The following PCBP3 variants were observed in gnomAD, a reference collection of about 807,000 sequenced individuals.
The protein encoded by PCBP3 is poly(rC)-binding protein 3.
A neutral mutation model predicts 52.7 loss-of-function variants in PCBP3; 25 were observed. The ratio of observed to expected loss-of-function variants is 0.47; its 90% CI spans 0.35 to 0.66. The LOEUF (loss-of-function observed/expected upper bound fraction) is 0.66, where lower values mean the gene tolerates loss of function less well. PCBP3 is among the 30% of genes least tolerant of loss of function. The pLI, the probability that PCBP3 is intolerant of heterozygous loss-of-function variation, is 0.01. For synonymous variants in PCBP3, 162 were observed against 183.0 expected (o/e 0.89, Z 0.93); for missense variants, 391 against 490.3 (o/e 0.80, Z 1.91).
At chr21:45,644,556 T>A (rs2079134245) in intron 1 of PCBP3, among the ~76,000 whole-genome samples, 2 of 152,186 alleles carry the variant, frequency 1.3e-5, no homozygotes, top group Admixed American at 1.3e-4. Flanking sequence ...TCCGCGCCAC[T>A]CTGAAGTATA....
intron 11 of PCBP3, among the ~76,000 whole-genome samples, chr21:45,913,741 G>T (rs944921337): frequency 6.6e-6 from 1 of 152,212 alleles, no homozygotes; most frequent in Non-Finnish European, 1.5e-5. Context: ...GAGCCCTCTG[G>T]AGGGACAGGC....
chr21:45,872,852 C>G (rs577826604), intron 5 of PCBP3: 1 of 152,154 alleles, frequency 6.6e-6, no homozygotes, highest in Non-Finnish European at 1.5e-5. Flanking sequence ...TGTGATATAA[C>G]GATGCCCATC....
In PCBP3 at chr21:45,800,667, G is replaced by A. The variant is rs1274312659; in HGVS notation, c.-126+45215G>A. ...GGCCAAGCACCGCATGCAGCCTGGTGCACACCTGTGCCCTCCTGAGCCTGG... is the reference window on the plus strand; with the variant it reads ...GGCCAAGCACCGCATGCAGCCTGGTACACACCTGTGCCCTCCTGAGCCTGG... On this transcript the variant is annotated intron_variant, in intron 4 of 17. Coordinates refer to ENST00000681687, the MANE Select transcript of PCBP3 (RefSeq NM_001384156.1). This position sits in a 1 kb window ranked among gnomAD's most constrained non-coding sequence, Gnocchi z 5.3. Among the ~76,000 whole-genome samples the A allele has an allele frequency of 2.0e-5, 3 of 152,226 alleles. No homozygotes were observed. The highest frequency in any genetic ancestry group is 4.4e-5 in the Non-Finnish European group (3 of 68,034).
chr21:45,855,748 C>T (rs574231048), intron 5 of PCBP3, among the ~76,000 whole-genome samples: 46 of 152,364 alleles, frequency 3.0e-4, no homozygotes, highest in Admixed American at 2.6e-4. Context: ...GCCTGAGGGC[C>T]GGACCCCACA....
intron 4 of PCBP3, among the ~76,000 whole-genome samples, chr21:45,807,835 G>T (rs1365131196): frequency 1.3e-5 from 2 of 151,942 alleles, no homozygotes; most frequent in South Asian, 2.1e-4. Flanking sequence ...AAACAGCATG[G>T]TACCAAAACA....
chr21:45,671,334 T>C (rs2081161321), intron 2 of PCBP3, among the ~76,000 whole-genome samples: 3 of 152,310 alleles, frequency 2.0e-5, no homozygotes, highest in East Asian at 1.9e-4. Context: ...TTTCTAGCAT[T>C]GTGTGGTCTT....
chr21:45,672,540 G>A (rs992359499), intron 2 of PCBP3, among the ~76,000 whole-genome samples: 3 of 151,922 alleles, frequency 2.0e-5, no homozygotes, highest in Admixed American at 1.3e-4. Context: ...ATCTATTTGC[G>A]TCTGGTAGTT....
chr21:45,745,041 C>T (rs1367787089), intron 3 of PCBP3, among the ~76,000 whole-genome samples: 1 of 152,126 alleles, frequency 6.6e-6, no homozygotes, highest in Non-Finnish European at 1.5e-5. Context: ...CACAGGCTGT[C>T]ACGGAGCAGC....
intron 5 of PCBP3, among the ~76,000 whole-genome samples, chr21:45,864,490 CA>C (rs1295722292): frequency 6.6e-6 from 1 of 152,192 alleles, no homozygotes; most frequent in Non-Finnish European, 1.5e-5. Flanking sequence ...TCATAAGTTA[CA>C]ACAAAATTTT....
chr21:45,935,900 T>C (rs985003092), intron 16 of PCBP3, among the ~76,000 whole-genome samples: 14 of 152,262 alleles, frequency 9.2e-5, no homozygotes, highest in African/African-American at 3.1e-4. Flanking sequence ...TAGAGAGGAC[T>C]ATTCTCTGAA....
chr21:45,782,840 C>T (rs1432962373), intron 4 of PCBP3, among the ~76,000 whole-genome samples: 3 of 152,206 alleles, frequency 2.0e-5, no homozygotes, highest in South Asian at 4.1e-4. Context: ...GGAGCCCAGC[C>T]GGCATACGGC....
intron 2 of PCBP3, among the ~76,000 whole-genome samples, chr21:45,718,777 C>G (rs2084404626): frequency 6.6e-6 from 1 of 152,160 alleles, no homozygotes; most frequent in South Asian, 2.1e-4. Context: ...GGTTATTACT[C>G]TGCCATTCTC....
At chr21:45,664,113 C>T (rs1160617214) in intron 1 of PCBP3, among the ~76,000 whole-genome samples, 1 of 146,828 alleles carries the variant, frequency 6.8e-6, no homozygotes, top group Non-Finnish European at 1.5e-5. Context: ...TAAATACACA[C>T]ACGCATAAAT....
At chr21:45,911,669 T>C (rs1251693006) in intron 11 of PCBP3, among the ~76,000 whole-genome samples, 3 of 152,102 alleles carry the variant, frequency 2.0e-5, no homozygotes, top group Non-Finnish European at 1.5e-5. Flanking sequence ...TGCCAGTCTT[T>C]CCTGAAGCAA....
chr21:45,941,688 C>T lies in PCBP3; in HGVS notation c.1098C>T (p.Thr366=), dbSNP rs200553368. 4.7e-5 allele frequency: 75 copies of T among 1,606,384 alleles called. No homozygotes were observed. Among genetic ancestry groups the T allele is most frequent in the East Asian group, 2.9e-4 (13 of 44,274 alleles). The change falls in exon 18 of 18, where the codon ACC becomes ACT. Residue 366 remains threonine, a synonymous_variant. Coordinates refer to ENST00000681687, the MANE Select transcript of PCBP3 (RefSeq NM_001384156.1). ...GTTCCAGGCTGACGTCCGAGGTCACCGGGATGGGCACGCTGTAATCCTACC... is the reference window on the plus strand; with the variant it reads ...GTTCCAGGCTGACGTCCGAGGTCACTGGGATGGGCACGCTGTAATCCTACC... ...LINARLTSEV[T]GMGTL
intron 4 of PCBP3, among the ~76,000 whole-genome samples, chr21:45,825,876 T>A (rs1161198689): frequency 1.3e-5 from 2 of 152,082 alleles, no homozygotes; most frequent in Non-Finnish European, 2.9e-5. Flanking sequence ...TGGAAATAAA[T>A]CCAAATGACT....
Position 45,656,086 on chromosome 21 carries a change from G to A in PCBP3, c.-279+12218G>A, listed in dbSNP as rs1284677656. Among the ~76,000 whole-genome samples, 2 of 152,202 alleles carry A rather than the reference G, an allele frequency of 1.3e-5. No homozygotes were observed. The highest frequency in any genetic ancestry group is 4.8e-5 in the African/African-American group (2 of 41,456). On this transcript the variant is annotated intron_variant, in intron 1 of 17. Transcript: ENST00000681687. The surrounding 1 kb of genome is among the most constrained non-coding windows in gnomAD (Gnocchi z 4.3). ...CAACCATTGTGGAAGACAGTGTGGC[G>A]ATTTCTCAAGGATCTAGAACCAGAA...
At chr21:45,659,654 T>C (rs535996676) in intron 1 of PCBP3, among the ~76,000 whole-genome samples, 63 of 152,334 alleles carry the variant, frequency 4.1e-4, no homozygotes, top group Non-Finnish European at 7.1e-4. Context: ...CCTGGCCTCA[T>C]TTTTAATGAT....
At chr21:45,767,817 G>C (rs2089493145) in intron 4 of PCBP3, among the ~76,000 whole-genome samples, 1 of 152,250 alleles carries the variant, frequency 6.6e-6, no homozygotes, top group Admixed American at 6.5e-5. Context: ...CCTGCAGGTG[G>C]TGCCCTAGAG....
Sources: gnomAD v4.1 joint callset for allele counts (sites outside exome capture counted in the v4.1 genomes callset) on GRCh38, gnomAD v4.1.1 for gene constraint, Gnocchi (gnomAD v3.1) non-coding constraint, MANE v1.5 for transcripts, NCBI Gene and HGNC (gene_info 2026-07-23, HGNC 2026-07-21) for gene names.